Variants in B4GALNT3 observed in about 807,000 individuals in gnomAD.
The protein encoded by B4GALNT3 is beta-1,4-N-acetylgalactosaminyltransferase 3.
Under a neutral mutation model 120.2 loss-of-function variants are expected in B4GALNT3, and 86 were observed. That is an observed-to-expected ratio of 0.72 (90% CI 0.60 to 0.86). B4GALNT3 has a LOEUF of 0.86. Ranked by LOEUF, B4GALNT3 falls within the 40% of genes least tolerant of loss-of-function variation. The pLI is 0.00. For synonymous variants in B4GALNT3, 518 were observed against 510.4 expected (o/e 1.01, Z -0.20); for missense variants, 1,167 against 1,298.9 (o/e 0.90, Z 1.56).
intron 1 of B4GALNT3, among the ~76,000 whole-genome samples, chr12:520,748 G>A (rs1044336694): frequency 1.5e-5 from 2 of 132,138 alleles, no homozygotes; most frequent in African/African-American, 2.9e-5. Flanking sequence ...CCGAGATCGT[G>A]CCACTGCGCT....
At chr12:509,558 C>G (rs775817594) in intron 1 of B4GALNT3, among the ~76,000 whole-genome samples, 5 of 152,102 alleles carry the variant, frequency 3.3e-5, no homozygotes, top group Non-Finnish European at 7.4e-5. Context: ...GGTCTCTGCT[C>G]CTATTTGCTG....
chr12:489,409 A>C (rs898553282), intron 1 of B4GALNT3, among the ~76,000 whole-genome samples: 2 of 152,154 alleles, frequency 1.3e-5, no homozygotes, highest in Admixed American at 6.5e-5. Flanking sequence ...TACATAGACA[A>C]TAGTAATAAA....
chr12:538,322 C>T (rs550176815), intron 3 of B4GALNT3, among the ~76,000 whole-genome samples: 160 of 151,904 alleles, frequency 1.1e-3, no homozygotes, highest in African/African-American at 3.7e-3. Context: ...TTTGGGAAGC[C>T]GAGGTGGGAG....
intron 1 of B4GALNT3, among the ~76,000 whole-genome samples, chr12:534,649 A>C (rs916013748): frequency 2.6e-5 from 4 of 152,154 alleles, no homozygotes; most frequent in African/African-American, 7.2e-5. Flanking sequence ...TTTGTTTGAC[A>C]GACATCACAT....
intron 1 of B4GALNT3, among the ~76,000 whole-genome samples, chr12:474,652 CTACATAAAATTTAAAAAT>C (rs1177337439): frequency 6.6e-6 from 1 of 151,910 alleles, no homozygotes; most frequent in Non-Finnish European, 1.5e-5. Flanking sequence ...GACCCTGTCT[CTACATAAAATTTAAAAAT>C]TAGCCCAGGC....
intron 1 of B4GALNT3, among the ~76,000 whole-genome samples, chr12:521,090 A>T (rs1265202597): frequency 6.6e-6 from 1 of 152,184 alleles, no homozygotes; most frequent in Non-Finnish European, 1.5e-5. Context: ...TTCAGGAAGA[A>T]CAGTCAGTTA....
intron 1 of B4GALNT3, among the ~76,000 whole-genome samples, chr12:511,472 T>TCTTCCACCTTCCACCTTCTTCCAC (rs1555154927): frequency 7.4e-5 from 2 of 27,046 alleles, no homozygotes; most frequent in Admixed American, 4.6e-4. Flanking sequence ...CCTTCCACCT[T>TCTTCCACCTTCCACCTTCTTCCAC]CTTCCACCTT....
chr12:511,607 TCGACCTTCTTCCACCTTCGACCTTCCAC>T (rs1946562878), intron 1 of B4GALNT3, among the ~76,000 whole-genome samples: 2 of 106,326 alleles, frequency 1.9e-5, no homozygotes, highest in African/African-American at 6.4e-5. Flanking sequence ...CCTTCCACCT[TCGACCTTCTTCCACCTTCGACCTTCCAC>T]CTTCCACCTT....
chr12:520,567 T>TCGGCCACCA (rs1167931296), intron 1 of B4GALNT3, among the ~76,000 whole-genome samples: 1 of 145,640 alleles, frequency 6.9e-6, no homozygotes, highest in African/African-American at 2.5e-5. Flanking sequence ...AGTAGTTTAA[T>TCGGCCACCA]TGGCCATCAT....
At chr12:556,463 C>A in intron 14 of B4GALNT3, 84 bp from the exon 15 acceptor site, 1 of 1,364,050 alleles carries the variant, frequency 7.3e-7, no homozygotes. Context: ...CTCCCAACAA[C>A]TAGCTTTGCA....
chr12:534,769 CAG>C (rs1486037621), intron 1 of B4GALNT3, among the ~76,000 whole-genome samples: 1 of 152,206 alleles, frequency 6.6e-6, no homozygotes, highest in Non-Finnish European at 1.5e-5. Context: ...TCCCCGGGCT[CAG>C]GGCACAGAAA....
chr12:461,818 A>C (rs1428939891), intron 1 of B4GALNT3, among the ~76,000 whole-genome samples: 1 of 152,138 alleles, frequency 6.6e-6, no homozygotes, highest in African/African-American at 2.4e-5. Flanking sequence ...GATGGAAATC[A>C]TTCCGGCTGT....
Position 553,900 on chromosome 12 carries a change from A to G in B4GALNT3, c.1977A>G (p.Thr659=). The G allele has an allele frequency of 6.2e-7, 1 of 1,614,140 alleles. No individual in the cohort carries two copies. Among genetic ancestry groups the G allele is most frequent in the African/African-American group, 1.3e-5 (1 of 75,038 alleles). The part of the protein sequence containing the change: ...RTDWIDLSCN[T]SGNLLLPEQE... ...ACTGGATCGATCTGAGCTGTAACAC[A>G]TCTGGCAACCTGCTGCTTCCAGAGC... is the stretch of plus-strand genomic sequence containing the variant. Residue 659 remains threonine, a synonymous_variant, in exon 14 of 20, where the codon ACA becomes ACG. Coordinates refer to ENST00000266383, the MANE Select transcript of B4GALNT3 (RefSeq NM_173593.4).
intron 1 of B4GALNT3, among the ~76,000 whole-genome samples, chr12:516,052 AG>A (rs1448064524): frequency 6.6e-6 from 1 of 152,002 alleles, no homozygotes; most frequent in Non-Finnish European, 1.5e-5. Context: ...AGGCTAAGGC[AG>A]GAGAATGGCA....
intron 1 of B4GALNT3, among the ~76,000 whole-genome samples, chr12:514,483 C>A (rs1292527706): frequency 6.6e-6 from 1 of 152,056 alleles, no homozygotes; most frequent in Non-Finnish European, 1.5e-5. Flanking sequence ...AGGCATGAGC[C>A]ACCACGCCCA....
In B4GALNT3 at chr12:561,571, G is replaced by A. The variant is rs1294277309; in HGVS notation, c.*120G>A. 3 of 754,582 alleles carry A rather than the reference G, an allele frequency of 4.0e-6. No individual in the cohort carries two copies. The Admixed American group carries it at 7.6e-5, about 19-fold the overall frequency. The allele number at this position is 754,582 out of a possible 1,614,324, so 46.7% of individuals were successfully genotyped here. On this transcript the variant is annotated 3_prime_UTR_variant, in exon 20 of 20. Transcript: ENST00000266383. ...CGGCTGGACCCCAAGAGGCCTCGAA[G>A]CTGACGGCCCACTCCACCTGGAGCT...
At chr12:489,938 CTA>C (rs1449955647) in intron 1 of B4GALNT3, among the ~76,000 whole-genome samples, 1 of 152,076 alleles carries the variant, frequency 6.6e-6, no homozygotes, top group African/African-American at 2.4e-5. Flanking sequence ...TGGAATTAAA[CTA>C]AAAATCAATA....
At chr12:478,541 A>G (rs893902105) in intron 1 of B4GALNT3, among the ~76,000 whole-genome samples, 1 of 152,248 alleles carries the variant, frequency 6.6e-6, no homozygotes, top group African/African-American at 2.4e-5. Flanking sequence ...GTACTTGTTA[A>G]TACAAAAAAG....
At chr12:506,676 A>T (rs558899887) in intron 1 of B4GALNT3, among the ~76,000 whole-genome samples, 1 of 151,942 alleles carries the variant, frequency 6.6e-6, no homozygotes, top group African/African-American at 2.4e-5. Context: ...TCACTCTGTC[A>T]CCCAGGCTGG....
Sources: allele counts gnomAD v4.1 joint callset (sites outside exome capture counted in the v4.1 genomes callset), GRCh38; gene constraint gnomAD v4.1.1; transcripts MANE v1.5; gene names NCBI Gene and HGNC (gene_info 2026-07-23, HGNC 2026-07-21).